The following GRIK2 variants were observed in gnomAD, a reference collection of about 807,000 sequenced individuals.
GRIK2 encodes the protein glutamate receptor ionotropic, kainate 2.
In GRIK2, 32 loss-of-function variants were observed where a neutral mutation model predicts 100.3. The observed-to-expected ratio is 0.32, with a 90% CI of 0.24 to 0.43. The LOEUF (loss-of-function observed/expected upper bound fraction) is 0.43. Among genes scored for constraint, GRIK2 ranks in the 20% least tolerant of loss-of-function variants. The pLI is 1.00. For synonymous variants in GRIK2, 417 were observed against 389.4 expected (o/e 1.07, Z -0.83); for missense variants, 843 against 1,114.9 (o/e 0.76, Z 3.47).
intron 7 of GRIK2, among the ~76,000 whole-genome samples, chr6:101,741,500 G>A (rs1409902004): frequency 6.6e-6 from 1 of 152,120 alleles, no homozygotes; most frequent in Non-Finnish European, 1.5e-5. Flanking sequence ...TCAGTGATGA[G>A]TAACTCACTG....
chr6:101,409,559 A>G (rs1406056439), intron 2 of GRIK2, among the ~76,000 whole-genome samples: 3 of 152,158 alleles, frequency 2.0e-5, no homozygotes, highest in Non-Finnish European at 4.4e-5. Flanking sequence ...GATTCTACAC[A>G]AACTCAGGAT....
intron 4 of GRIK2, among the ~76,000 whole-genome samples, chr6:101,654,486 G>C (rs1582899801): frequency 1.3e-5 from 2 of 152,160 alleles, no homozygotes; most frequent in South Asian, 4.2e-4. Context: ...AGCCTGAATG[G>C]CTAGGAGACT....
intron 2 of GRIK2, among the ~76,000 whole-genome samples, chr6:101,495,851 G>C (rs562770815): frequency 1.9e-4 from 29 of 151,396 alleles, no homozygotes; most frequent in African/African-American, 6.5e-4. Context: ...ATATTAAACT[G>C]ATTTTATTTT....
At chr6:102,065,909 C>T in intron 16 of GRIK2, 1 of 1,427,706 alleles carries the variant, frequency 7.0e-7, no homozygotes, top group Non-Finnish European at 9.2e-7. Flanking sequence ...TCATCATGTT[C>T]TTAATAAGTA....
At chr6:101,819,495 G>A (rs1472880917) in intron 10 of GRIK2, among the ~76,000 whole-genome samples, 1 of 152,136 alleles carries the variant, frequency 6.6e-6, no homozygotes, top group Non-Finnish European at 1.5e-5. Context: ...AAGTCATAAA[G>A]TTTTTAACCA....
chr6:101,632,880 C>T (rs1028182015), intron 4 of GRIK2, among the ~76,000 whole-genome samples: 3 of 151,784 alleles, frequency 2.0e-5, no homozygotes, highest in Non-Finnish European at 4.4e-5. Flanking sequence ...GAAGAAGCTG[C>T]CTGGAAAGGA....
intron 2 of GRIK2, among the ~76,000 whole-genome samples, chr6:101,478,635 T>C (rs2128259919): frequency 6.7e-6 from 1 of 149,468 alleles, no homozygotes; most frequent in East Asian, 2.1e-4. Context: ...TGACTCAGCC[T>C]CCCGAGTAGC....
At chr6:101,494,163 T>G (rs1773305929) in intron 2 of GRIK2, among the ~76,000 whole-genome samples, 1 of 150,972 alleles carries the variant, frequency 6.6e-6, no homozygotes, top group South Asian at 2.1e-4. Flanking sequence ...TAACACTCAT[T>G]TATATATGAA....
intron 2 of GRIK2, among the ~76,000 whole-genome samples, chr6:101,460,522 T>C (rs1771250166): frequency 6.6e-6 from 1 of 152,238 alleles, no homozygotes; most frequent in Non-Finnish European, 1.5e-5. Context: ...ACAGGAACTG[T>C]TGCAAATTGG....
chr6:101,744,558 A>ATATATATAATC (rs751011648), intron 7 of GRIK2: 5 of 115,048 alleles, frequency 4.3e-5, no homozygotes, highest in African/African-American at 1.9e-4. Context: ...ATATATATAT[A>ATATATATAATC]TCACAATTTC....
chr6:101,860,528 G>T (rs1378648404), intron 11 of GRIK2, among the ~76,000 whole-genome samples: 1 of 152,066 alleles, frequency 6.6e-6, no homozygotes, highest in Non-Finnish European at 1.5e-5. Flanking sequence ...TCAGCCCTAT[G>T]GCATCAAAAA....
chr6:101,465,969 A>C (rs1210309919), intron 2 of GRIK2, among the ~76,000 whole-genome samples: 1 of 152,224 alleles, frequency 6.6e-6, no homozygotes, highest in Non-Finnish European at 1.5e-5. Flanking sequence ...GTCTTCCCAC[A>C]TGAGCTGAAA....
intron 10 of GRIK2, among the ~76,000 whole-genome samples, chr6:101,836,663 T>TA (rs1562426881): frequency 8.4e-4 from 64 of 75,748 alleles, no homozygotes; most frequent in African/African-American, 3.4e-3. Flanking sequence ...ATATATATAT[T>TA]TTTTTTTTTT....
chr6:101,434,005 A>C (rs537468569), intron 2 of GRIK2, among the ~76,000 whole-genome samples: 1 of 152,368 alleles, frequency 6.6e-6, no homozygotes, highest in African/African-American at 2.4e-5. Flanking sequence ...CACTGCAACG[A>C]GGTGGCCCCA....
rs190757896 is a variant in GRIK2, at chr6:101,832,528, C to G, written c.1317+14045C>G. 2.2e-4 allele frequency among the ~76,000 whole-genome samples: 34 copies of G among 152,266 alleles called. 1 individual carries two copies. The East Asian group carries it at 6.2e-3, about 28-fold the overall frequency. ...TTCATTCTGCTTGACAGTATTTGAGCATGGCTTGGCTTCTTACTTGGCAGG... is the reference window on the plus strand; with the variant it reads ...TTCATTCTGCTTGACAGTATTTGAGGATGGCTTGGCTTCTTACTTGGCAGG... On this transcript the variant is annotated intron_variant, in intron 10 of 16. Transcript: ENST00000369134.
intron 2 of GRIK2, among the ~76,000 whole-genome samples, chr6:101,481,438 C>T (rs989345837): frequency 3.4e-4 from 52 of 152,088 alleles, no homozygotes; most frequent in Non-Finnish European, 7.5e-4. Flanking sequence ...AAGTAATGCT[C>T]TAGCTATTGA....
intron 2 of GRIK2, among the ~76,000 whole-genome samples, chr6:101,614,057 T>C (rs1298709900): frequency 1.3e-5 from 2 of 151,624 alleles, no homozygotes; most frequent in Non-Finnish European, 3.0e-5. Flanking sequence ...TGGAGGCCAA[T>C]GTGTAGTAAT....
At chr6:101,446,184 T>C (rs973449384) in intron 2 of GRIK2, among the ~76,000 whole-genome samples, 1 of 151,974 alleles carries the variant, frequency 6.6e-6, no homozygotes, top group African/African-American at 2.4e-5. Context: ...GTATCCCAGG[T>C]AGTACTTAGT....
chr6:101,646,968 C>T (rs1781553393), intron 4 of GRIK2, among the ~76,000 whole-genome samples: 1 of 151,916 alleles, frequency 6.6e-6, no homozygotes, highest in Non-Finnish European at 1.5e-5. Context: ...CTATTGAAAG[C>T]TCGCTGCATG....
Sources: allele counts gnomAD v4.1 joint callset (sites outside exome capture counted in the v4.1 genomes callset), GRCh38; gene constraint gnomAD v4.1.1; transcripts MANE v1.5; gene names NCBI Gene and HGNC (gene_info 2026-07-23, HGNC 2026-07-21).